Variants in PNPLA1 observed in about 807,000 individuals in gnomAD.
PNPLA1 encodes omega-hydroxyceramide transacylase.
PNPLA1 carries 36 observed loss-of-function variants against 51.7 expected under a neutral mutation model. The observed-to-expected ratio is 0.70, with a 90% CI of 0.53 to 0.92. The LOEUF (loss-of-function observed/expected upper bound fraction) is 0.92, where lower values mean the gene tolerates loss of function less well. Among genes scored for constraint, PNPLA1 ranks in the 40% least tolerant of loss-of-function variants. PNPLA1 has a pLI of 0.00. For missense variants in PNPLA1, 658 were observed against 682.5 expected, an observed-to-expected ratio of 0.96 and a Z score of 0.40; for synonymous variants, 293 against 280.1, an observed-to-expected ratio of 1.05 and a Z score of -0.46.
intron 1 of PNPLA1, among the ~76,000 whole-genome samples, chr6:36,282,897 C>G (rs1165130914): frequency 6.6e-6 from 1 of 152,148 alleles, no homozygotes; most frequent in African/African-American, 2.4e-5. Context: ...CTTGGCCAGG[C>G]TGGTCTTGAA....
upstream of PNPLA1, among the ~76,000 whole-genome samples, chr6:36,269,409 C>A (rs1456609839): frequency 1.3e-5 from 2 of 152,176 alleles, no homozygotes; most frequent in African/African-American, 4.8e-5. Context: ...CCTCTCACAC[C>A]ACCTCCCTTA....
chr6:36,249,176 A>G (rs1769370237), intron 1 of PNPLA1, among the ~76,000 whole-genome samples: 1 of 152,222 alleles, frequency 6.6e-6, no homozygotes, highest in African/African-American at 2.4e-5. Flanking sequence ...AAACATTACT[A>G]GTAAGGCATT....
chr6:36,280,130 C>G (rs1184087174), intron 1 of PNPLA1, among the ~76,000 whole-genome samples: 1 of 152,156 alleles, frequency 6.6e-6, no homozygotes, highest in Non-Finnish European at 1.5e-5. Flanking sequence ...TGTGTGAACC[C>G]GGGAGGCGGC....
intron 5 of PNPLA1, among the ~76,000 whole-genome samples, chr6:36,300,260 T>TCTTGGCTCA (rs1253015313): frequency 6.6e-6 from 1 of 150,464 alleles, no homozygotes; most frequent in East Asian, 2.0e-4. Context: ...AGTGGTGCAA[T>TCTTGGCTCA]CTTGGCTCAC....
chr6:36,286,276 G>A (rs1770485214), intron 1 of PNPLA1, among the ~76,000 whole-genome samples: 1 of 152,172 alleles, frequency 6.6e-6, no homozygotes, highest in African/African-American at 2.4e-5. Flanking sequence ...AAATCTGCCT[G>A]GCTCCAAAGC....
chr6:36,295,254 C>G, intron 4 of PNPLA1, 110 bp from the exon 5 acceptor site: 1 of 1,113,728 alleles, frequency 9.0e-7, no homozygotes, highest in South Asian at 1.3e-5. Flanking sequence ...TTTTGAAAAG[C>G]CCATCAAATA....
At chr6:36,285,267 C>T (rs1031414189) in intron 1 of PNPLA1, among the ~76,000 whole-genome samples, 1 of 152,220 alleles carries the variant, frequency 6.6e-6, no homozygotes, top group African/African-American at 2.4e-5. Flanking sequence ...GCTTCCCGCG[C>T]GCCCACCACG....
chr6:36,290,125 C>T (rs1285451345), intron 1 of PNPLA1, among the ~76,000 whole-genome samples: 1 of 152,206 alleles, frequency 6.6e-6, no homozygotes, highest in Non-Finnish European at 1.5e-5. Context: ...TGGTTACCTC[C>T]TGTGGCAAAA....
At chr6:36,269,605 A>G (rs73415570), upstream of PNPLA1, among the ~76,000 whole-genome samples, 348 of 152,332 alleles carry the variant, frequency 2.3e-3, no homozygotes, top group African/African-American at 8.2e-3. Flanking sequence ...CACACTTAGA[A>G]GATAGCATGA....
chr6:36,292,706 C>G (rs570765782), intron 2 of PNPLA1, among the ~76,000 whole-genome samples: 1 of 152,220 alleles, frequency 6.6e-6, no homozygotes, highest in Non-Finnish European at 1.5e-5. Context: ...AAAGGTGGGC[C>G]TCTCAGCCTC....
chr6:36,295,514 C>A, intron 5 of PNPLA1, 90 bp downstream of exon 5: 2 of 1,402,880 alleles, frequency 1.4e-6, no homozygotes, highest in Non-Finnish European at 2.0e-6. Flanking sequence ...GGTATTCCCC[C>A]CAGATTTGTG....
Position 36,254,258 on chromosome 6 carries a change from T to C in PNPLA1, c.-81+10997T>C, listed in dbSNP as rs558027884. Among the ~76,000 whole-genome samples, 79 of 152,304 alleles carry C rather than the reference T, an allele frequency of 5.2e-4. 2 individuals are homozygous for C. In the South Asian group the frequency reaches 0.016, roughly 31 times the overall value. On this transcript the variant is annotated intron_variant, in intron 1 of 7. Coordinates refer to the PNPLA1 transcript ENST00000312917. ...CAATCACATCCTAATCCCATCCTGGTCTTGGTTCCCTAATTGATTAGATTG... is the reference window on the plus strand; with the variant it reads ...CAATCACATCCTAATCCCATCCTGGCCTTGGTTCCCTAATTGATTAGATTG...
At chr6:36,311,414 G>T (rs1771406731) in intron 8 of PNPLA1, among the ~76,000 whole-genome samples, 1 of 152,238 alleles carries the variant, frequency 6.6e-6, no homozygotes, top group South Asian at 2.1e-4. Flanking sequence ...TAGCGGAGAG[G>T]CCTGGAAGTG....
intron 1 of PNPLA1, among the ~76,000 whole-genome samples, chr6:36,280,250 T>G (rs566259208): frequency 2.0e-5 from 3 of 152,298 alleles, no homozygotes; most frequent in South Asian, 4.1e-4. Context: ...CAGCCTGGCC[T>G]GAGCAATGTT....
At chr6:36,282,212 GGGAAGGAA>G (rs147876798) in intron 1 of PNPLA1, among the ~76,000 whole-genome samples, 1 of 108,632 alleles carries the variant, frequency 9.2e-6, no homozygotes, top group Non-Finnish European at 1.9e-5. Flanking sequence ...AAGGAAGGAA[GGGAAGGAA>G]GGAAGGAAGG....
intron 6 of PNPLA1, among the ~76,000 whole-genome samples, chr6:36,305,947 G>T (rs1413614406): frequency 1.3e-5 from 2 of 151,860 alleles, no homozygotes; most frequent in Admixed American, 6.6e-5. Context: ...TAGAGACAGG[G>T]TTTCACCATG....
intron 5 of PNPLA1, among the ~76,000 whole-genome samples, chr6:36,298,919 A>G (rs775481580): frequency 5.3e-5 from 8 of 152,134 alleles, no homozygotes; most frequent in Non-Finnish European, 8.8e-5. Context: ...TTGTATTTTT[A>G]GTAGAGACAG....
rs1259686452 is a variant in PNPLA1 at position 36,270,252 on chromosome 6, G to A, written c.-208G>A. ...TTCTGGGGCCCCTTTCCAACCTTTGGAGTTGCCTCCTGGCGGAGCTTAACA... is the reference window on the plus strand; with the variant it reads ...TTCTGGGGCCCCTTTCCAACCTTTGAAGTTGCCTCCTGGCGGAGCTTAACA... On this transcript the variant is annotated 5_prime_UTR_variant, in exon 1 of 9. Coordinates refer to ENST00000636260, the MANE Select transcript of PNPLA1 (RefSeq NM_001374623.1). Among the ~76,000 whole-genome samples the A allele has an allele frequency of 1.3e-5, 2 of 152,226 alleles. No homozygotes were observed. The highest frequency in any genetic ancestry group is 4.8e-5 in the African/African-American group (2 of 41,460).
Position 36,270,506 on chromosome 6 carries a change from T to G in PNPLA1, c.47T>G (p.Ile16Ser). The change falls in exon 1 of 9, where the codon ATC becomes AGC. Residue 16 changes from isoleucine to serine, a missense_variant. By Grantham distance (142) the Ile-to-Ser change is moderately radical. Transcript: ENST00000636260. Reference protein sequence around the residue: ...FKGDPDTPHSISFSGSGFLSF... With the variant: ...FKGDPDTPHSSSFSGSGFLSF... ...GGGGACCCGGACACCCCTCACTCCATCTCCTTCTCGGGCAGTGGATTCCTC... is the reference window on the plus strand; with the variant it reads ...GGGGACCCGGACACCCCTCACTCCAGCTCCTTCTCGGGCAGTGGATTCCTC... 6.4e-7 allele frequency: 1 copy of G among 1,551,454 alleles called. No individual in the cohort carries two copies. Among genetic ancestry groups the G allele is most frequent in the Non-Finnish European group, 8.7e-7 (1 of 1,146,978 alleles).
Sources: gnomAD v4.1 joint callset for allele counts (sites outside exome capture counted in the v4.1 genomes callset) on GRCh38, gnomAD v4.1.1 for gene constraint, MANE v1.5 for transcripts, NCBI Gene and HGNC (gene_info 2026-07-23, HGNC 2026-07-21) for gene names.